SFRP1: variants seen among roughly 807,000 people sequenced by gnomAD.
The protein encoded by SFRP1 is secreted frizzled-related protein 1.
A neutral mutation model predicts 25.9 loss-of-function variants in SFRP1; 9 were observed. The ratio of observed to expected loss-of-function variants is 0.35; its 90% CI spans 0.21 to 0.61. SFRP1 has a LOEUF of 0.61. SFRP1 is among the 20% of genes least tolerant of loss of function. The pLI is 0.78. For synonymous variants in SFRP1, 178 were observed against 174.0 expected (o/e 1.02, Z -0.18); for missense variants, 346 against 418.2 (o/e 0.83, Z 1.51).
chr8:41,286,479 T>C (rs544795483), intron 2 of SFRP1, among the ~76,000 whole-genome samples: 2 of 150,114 alleles, frequency 1.3e-5, no homozygotes, highest in Non-Finnish European at 3.0e-5. Context: ...GGCCAGTGGC[T>C]CCTCCTTGGA....
At chr8:41,298,783 T>C (rs998603005) in intron 2 of SFRP1, among the ~76,000 whole-genome samples, 1 of 152,136 alleles carries the variant, frequency 6.6e-6, no homozygotes, top group Non-Finnish European at 1.5e-5. Flanking sequence ...CCCATAAATA[T>C]GTGCAACTAT....
intron 2 of SFRP1, among the ~76,000 whole-genome samples, chr8:41,286,689 C>A (rs956387466): frequency 2.6e-5 from 4 of 152,206 alleles, no homozygotes; most frequent in African/African-American, 9.6e-5. Context: ...TGGCGTCATC[C>A]CTTTCTTCAC....
At chr8:41,277,280 A>G (rs1185258898) in intron 2 of SFRP1, among the ~76,000 whole-genome samples, 2 of 151,894 alleles carry the variant, frequency 1.3e-5, no homozygotes, top group African/African-American at 2.4e-5. Context: ...TCACTTAAAT[A>G]AAGTCCATCA....
At chr8:41,270,782 A>G (rs1039717207) in intron 2 of SFRP1, among the ~76,000 whole-genome samples, 1 of 148,838 alleles carries the variant, frequency 6.7e-6, no homozygotes, top group Non-Finnish European at 1.5e-5. Context: ...GAGAGCGCAC[A>G]CTGCACTCCA....
At chr8:41,306,886 ATT>A in intron 1 of SFRP1, 1 of 1,593,074 alleles carries the variant, frequency 6.3e-7, no homozygotes. Flanking sequence ...GGGGTGAGGG[ATT>A]CTTTCCTCTC....
intron 1 of SFRP1, chr8:41,306,610 G>GC (rs948313345): frequency 2.3e-6 from 3 of 1,287,118 alleles, no homozygotes; most frequent in Non-Finnish European, 2.1e-6. Context: ...TCAGGGCAGA[G>GC]CCCCCCACCA....
intron 1 of SFRP1, among the ~76,000 whole-genome samples, chr8:41,308,410 C>A (rs147716422): frequency 0.015 from 2,332 of 152,352 alleles, 63 homozygotes; most frequent in African/African-American, 0.054. Flanking sequence ...CCGCCGTGCA[C>A]CTGGGTCGCG....
At chr8:41,279,264 C>A (rs1335473582) in intron 2 of SFRP1, among the ~76,000 whole-genome samples, 1 of 152,164 alleles carries the variant, frequency 6.6e-6, no homozygotes, top group African/African-American at 2.4e-5. Flanking sequence ...TGTTCAAAGA[C>A]TCACTCGCCA....
At chr8:41,266,700 C>T (rs1803439818) in intron 2 of SFRP1, among the ~76,000 whole-genome samples, 1 of 151,922 alleles carries the variant, frequency 6.6e-6, no homozygotes, top group African/African-American at 2.4e-5. Flanking sequence ...GTTGGGATTA[C>T]AGGCATGAGT....
Position 41,308,531 on chromosome 8 carries a change from G to C in SFRP1, c.544+85C>G, listed in dbSNP as rs912828956. 5.4e-6 allele frequency: 6 copies of C among 1,112,420 alleles called. No homozygotes were observed. The Admixed American group carries it at 7.8e-5, about 15-fold the overall frequency. The allele number at this position is 1,112,420 out of a possible 1,614,324, so 68.9% of individuals were successfully genotyped here. A position where few individuals can be genotyped will look rare whatever the true frequency, so the allele number is the denominator to read the frequency against. On this transcript the variant is annotated intron_variant, in intron 1 of 2. Transcript: ENST00000220772. ...CCAGCACCGGGACCCAGCGGCGGGC[G>C]GGCGTAGGGTGGCGCGGGTTCTCCT... is the stretch of plus-strand genomic sequence containing the variant.
At chr8:41,293,009 C>T (rs757882133) in intron 2 of SFRP1, among the ~76,000 whole-genome samples, 13 of 152,216 alleles carry the variant, frequency 8.5e-5, no homozygotes, top group Admixed American at 1.3e-4. Flanking sequence ...GTGGAAGCAG[C>T]GGCTGCGGGT....
intron 1 of SFRP1, among the ~76,000 whole-genome samples, chr8:41,304,493 C>T (rs541808790): frequency 1.1e-4 from 17 of 152,238 alleles, no homozygotes; most frequent in Admixed American, 4.6e-4. Context: ...ATTCTAGGGG[C>T]ACCCCACCCC....
rs1193000449 is a variant in SFRP1, at chr8:41,264,138, G to A, written c.*1029C>T. 2 of 152,174 alleles carry A rather than the reference G, an allele frequency of 1.3e-5. No individual in the cohort carries two copies. The highest frequency in any genetic ancestry group is 2.9e-5 in the Non-Finnish European group (2 of 68,034). The allele number at this position is 152,174 out of a possible 1,614,324, so 9.4% of individuals were successfully genotyped here. A position where few individuals can be genotyped will look rare whatever the true frequency, so the allele number is the denominator to read the frequency against. ...GGACGGATCAGGAGACCTTGTTCTA[G>A]CACACCTTTCAAATGCTCAATGTAG... On this transcript the variant is annotated 3_prime_UTR_variant, in exon 3 of 3. Transcript: ENST00000220772.
chr8:41,291,370 C>T (rs1336878870), intron 2 of SFRP1, among the ~76,000 whole-genome samples: 1 of 152,162 alleles, frequency 6.6e-6, no homozygotes, highest in Non-Finnish European at 1.5e-5. Flanking sequence ...TAGATACTCA[C>T]CACCACACCC....
chr8:41,284,422 C>A, intron 2 of SFRP1, among the ~76,000 whole-genome samples: 1 of 151,632 alleles, frequency 6.6e-6, no homozygotes, highest in Admixed American at 6.6e-5. Context: ...CTGGAGGGCC[C>A]CTCCCACAGC....
chr8:41,267,162 A>G (rs1210478118), intron 2 of SFRP1, among the ~76,000 whole-genome samples: 2 of 152,216 alleles, frequency 1.3e-5, no homozygotes, highest in Middle Eastern at 3.2e-3. Context: ...TTCAAATCCA[A>G]TATGGTACCA....
At chr8:41,266,640 G>T (rs1219356985) in intron 2 of SFRP1, among the ~76,000 whole-genome samples, 6 of 150,318 alleles carry the variant, frequency 4.0e-5, no homozygotes, top group Non-Finnish European at 7.4e-5. Context: ...TTACTATGTT[G>T]CCCAGAACTC....
intron 2 of SFRP1, among the ~76,000 whole-genome samples, chr8:41,299,499 T>TAAAAAAAAAAAA (rs576175856): frequency 1.2e-4 from 7 of 56,060 alleles, no homozygotes; most frequent in African/African-American, 6.0e-4. Context: ...TTCTCCTTTA[T>TAAAAAAAAAAAA]AAAAAAAAAA....
At chr8:41,302,244 G>A (rs777325619) in intron 2 of SFRP1, among the ~76,000 whole-genome samples, 8 of 152,218 alleles carry the variant, frequency 5.3e-5, no homozygotes, top group South Asian at 2.1e-4. Context: ...CAGGATACGC[G>A]CTCTCCAGTT....
Sources: gnomAD v4.1 joint callset for allele counts (sites outside exome capture counted in the v4.1 genomes callset) on GRCh38, gnomAD v4.1.1 for gene constraint, MANE v1.5 for transcripts, NCBI Gene and HGNC (gene_info 2026-07-23, HGNC 2026-07-21) for gene names.